Variants in CCSER1 observed in about 807,000 individuals in gnomAD.
CCSER1 encodes the protein serine-rich coiled-coil domain-containing protein 1.
Under a neutral mutation model 82.0 loss-of-function variants are expected in CCSER1, and 41 were observed. That is an observed-to-expected ratio of 0.50 (90% confidence interval 0.39 to 0.65). The LOEUF (loss-of-function observed/expected upper bound fraction) is 0.65, where lower values mean the gene tolerates loss of function less well. CCSER1 is among the 30% of genes least tolerant of loss of function. The pLI, the probability that CCSER1 is intolerant of heterozygous loss-of-function variation, is 0.00. For synonymous variants in CCSER1, 414 were observed against 383.9 expected (o/e 1.08, Z -0.92); for missense variants, 1,119 against 1,064.2 (o/e 1.05, Z -0.72).
intron 5 of CCSER1, among the ~76,000 whole-genome samples, chr4:90,574,404 G>A (rs1242641235): frequency 1.3e-5 from 2 of 150,960 alleles, no homozygotes; most frequent in Non-Finnish European, 2.9e-5. Context: ...AAGTAGCTGG[G>A]ACTACAGGCG....
chr4:90,725,797 T>C (rs1056729848), intron 7 of CCSER1, among the ~76,000 whole-genome samples: 1 of 151,800 alleles, frequency 6.6e-6, no homozygotes, highest in Non-Finnish European at 1.5e-5. Flanking sequence ...ATAGAAGACA[T>C]TTAAGTTTTC....
intron 9 of CCSER1, among the ~76,000 whole-genome samples, chr4:91,056,386 C>T (rs1743448470): frequency 6.6e-6 from 1 of 152,138 alleles, no homozygotes; most frequent in African/African-American, 2.4e-5. Context: ...GTGAGGGCTG[C>T]TCTCTGCTTC....
intron 6 of CCSER1, among the ~76,000 whole-genome samples, chr4:90,720,210 T>C (rs922838632): frequency 1.3e-5 from 2 of 152,084 alleles, no homozygotes; most frequent in Admixed American, 6.6e-5. Flanking sequence ...CAGAATCATC[T>C]TGTGCCTCTT....
At chr4:91,244,073 G>T (rs576525636) in intron 10 of CCSER1, among the ~76,000 whole-genome samples, 1 of 152,154 alleles carries the variant, frequency 6.6e-6, no homozygotes, top group South Asian at 2.1e-4. Context: ...TGCATTCACC[G>T]CAAACTGATA....
chr4:90,859,858 T>C (rs34377081), intron 8 of CCSER1, among the ~76,000 whole-genome samples: 25,376 of 151,718 alleles, frequency 0.17, 2,477 homozygotes, highest in Non-Finnish European at 0.22. Flanking sequence ...TTATTGTTTT[T>C]TAACACAGAT....
chr4:90,334,302 G>A (rs554238866), intron 3 of CCSER1, among the ~76,000 whole-genome samples: 4 of 152,126 alleles, frequency 2.6e-5, no homozygotes, highest in African/African-American at 9.6e-5. Context: ...AGTCAGGAGC[G>A]ATTGACTTTT....
intron 10 of CCSER1, among the ~76,000 whole-genome samples, chr4:91,345,392 TGAAGAA>T (rs532861715): frequency 1.3e-5 from 2 of 151,548 alleles, no homozygotes; most frequent in Admixed American, 1.3e-4. Flanking sequence ...ATCTCAAAAA[TGAAGAA>T]GAAGAAGAAA....
intron 1 of CCSER1, among the ~76,000 whole-genome samples, chr4:90,204,142 G>A (rs1033188633): frequency 2.0e-5 from 3 of 152,178 alleles, no homozygotes; most frequent in African/African-American, 7.2e-5. Context: ...TCTGTAGGTT[G>A]CCTTTTCACT....
intron 8 of CCSER1, 41 bp downstream of exon 8, chr4:90,815,886 T>C (rs1758944933): frequency 2.2e-6 from 3 of 1,393,516 alleles, no homozygotes; most frequent in Non-Finnish European, 3.0e-6. Flanking sequence ...GTACTTTACT[T>C]TCAAGGTTAT....
At chr4:90,571,835 T>A (rs1490216277) in intron 5 of CCSER1, among the ~76,000 whole-genome samples, 2 of 152,222 alleles carry the variant, frequency 1.3e-5, no homozygotes, top group Non-Finnish European at 2.9e-5. Flanking sequence ...TATTTTATAT[T>A]GCACATCTCT....
chr4:90,746,954 T>C (rs770124121), intron 7 of CCSER1, among the ~76,000 whole-genome samples: 4 of 152,172 alleles, frequency 2.6e-5, no homozygotes, highest in Non-Finnish European at 4.4e-5. Flanking sequence ...TTAACTACTG[T>C]ACTCTACTGT....
chr4:91,118,453 T>G lies in CCSER1; in HGVS notation c.2217+32459T>G, dbSNP rs533743782. Among the ~76,000 whole-genome samples the G allele has an allele frequency of 5.3e-5, 8 of 152,134 alleles. No individual in the cohort carries two copies. The South Asian group carries it at 1.7e-3, about 32-fold the overall frequency. On this transcript the variant is annotated intron_variant, in intron 10 of 10. Transcript: ENST00000509176. ...CTGCACTTGGCTAATTTTTAAATTT[T>G]CTGTGGAGACAGGGGCTCACTATGT...
chr4:91,109,944 G>T (rs573073763), intron 10 of CCSER1, among the ~76,000 whole-genome samples: 7 of 152,126 alleles, frequency 4.6e-5, no homozygotes, highest in African/African-American at 1.4e-4. Context: ...CAAAACCAAA[G>T]AATGATTATA....
At chr4:91,070,721 T>A (rs1721335482) in intron 9 of CCSER1, among the ~76,000 whole-genome samples, 1 of 152,184 alleles carries the variant, frequency 6.6e-6, no homozygotes, top group Non-Finnish European at 1.5e-5. Flanking sequence ...TTGAAAAATT[T>A]CATCCCAAAA....
chr4:90,167,001 A>G (rs1730570567), intron 1 of CCSER1, among the ~76,000 whole-genome samples: 1 of 152,026 alleles, frequency 6.6e-6, no homozygotes, highest in Admixed American at 6.6e-5. Context: ...TCTTTAATCA[A>G]GCGTAAGTTT....
At chr4:90,952,232 AAAT>A (rs1429823272) in intron 9 of CCSER1, among the ~76,000 whole-genome samples, 1 of 152,110 alleles carries the variant, frequency 6.6e-6, no homozygotes, top group Non-Finnish European at 1.5e-5. Flanking sequence ...AAAGGTAAAA[AAAT>A]AATATTTGGG....
chr4:90,525,653 CCTCT>C (rs1314488835), intron 5 of CCSER1, among the ~76,000 whole-genome samples: 6 of 151,388 alleles, frequency 4.0e-5, no homozygotes, highest in Admixed American at 1.3e-4. Flanking sequence ...TTTTTTGTTC[CCTCT>C]GTCTTTTAAT....
chr4:90,716,731 A>G (rs546134621), intron 6 of CCSER1, among the ~76,000 whole-genome samples: 3 of 152,192 alleles, frequency 2.0e-5, no homozygotes, highest in African/African-American at 7.2e-5. Flanking sequence ...GATGTGTAGT[A>G]GACTAAGCTA....
At chr4:90,990,002 A>G (rs1039496892) in intron 9 of CCSER1, among the ~76,000 whole-genome samples, 1 of 151,854 alleles carries the variant, frequency 6.6e-6, no homozygotes, top group Non-Finnish European at 1.5e-5. Context: ...TGTCTGGTCC[A>G]TGAGATTTTT....
Sources: gnomAD v4.1 joint callset for allele counts (sites outside exome capture counted in the v4.1 genomes callset) on GRCh38, gnomAD v4.1.1 for gene constraint, MANE v1.5 for transcripts, NCBI Gene and HGNC (gene_info 2026-07-23, HGNC 2026-07-21) for gene names.